EZH2: variants seen among roughly 807,000 people sequenced by gnomAD.
EZH2 encodes histone-lysine N-methyltransferase EZH2.
In EZH2, 18 loss-of-function variants were observed where a neutral mutation model predicts 98.4. The observed-to-expected ratio is 0.18, with a 90% CI of 0.13 to 0.27. The LOEUF (loss-of-function observed/expected upper bound fraction) is 0.27. Among genes scored for constraint, EZH2 ranks in the 10% least tolerant of loss-of-function variants. EZH2 has a pLI of 1.00. For missense variants in EZH2, 470 were observed against 935.1 expected, an observed-to-expected ratio of 0.50 and a Z score of 6.49; for synonymous variants, 338 against 312.3, an observed-to-expected ratio of 1.08 and a Z score of -0.87.
chr7:148,819,088 A>G (rs888550805), intron 9 of EZH2: 1 of 456,608 alleles, frequency 2.2e-6, no homozygotes, highest in Non-Finnish European at 4.4e-6. Flanking sequence ...AATGGTAAAA[A>G]TAAGAGAGTA....
At chr7:148,836,792 C>T (rs1001448085) in intron 3 of EZH2, 13 of 484,738 alleles carry the variant, frequency 2.7e-5, no homozygotes, top group African/African-American at 2.6e-4. Flanking sequence ...TGGTAAGTAA[C>T]CAGGTTCCTC....
chr7:148,839,695 C>T (rs1300671586), intron 3 of EZH2, among the ~76,000 whole-genome samples: 4 of 152,046 alleles, frequency 2.6e-5, no homozygotes, highest in African/African-American at 9.7e-5. Flanking sequence ...CAGGCGCACA[C>T]CACCATGCCC....
intron 4 of EZH2, among the ~76,000 whole-genome samples, chr7:148,830,355 G>C (rs574166327): frequency 1.7e-4 from 26 of 152,140 alleles, no homozygotes; most frequent in Non-Finnish European, 2.9e-5. Context: ...GCGCACTTTA[G>C]ATGTTAATAG....
At chr7:148,809,015 TCA>T in intron 19 of EZH2, 54 bp downstream of exon 19, 1 of 1,439,750 alleles carries the variant, frequency 6.9e-7, no homozygotes, top group East Asian at 2.3e-5. Context: ...TGTCCAGAGT[TCA>T]CAATCCAGTA....
At chr7:148,848,976 A>C (rs1411934491) in intron 1 of EZH2, among the ~76,000 whole-genome samples, 1 of 152,140 alleles carries the variant, frequency 6.6e-6, no homozygotes, top group Non-Finnish European at 1.5e-5. Context: ...CATATACTTT[A>C]AATCACCTCT....
At chr7:148,877,678 T>G (rs551905805) in intron 1 of EZH2, among the ~76,000 whole-genome samples, 12 of 152,330 alleles carry the variant, frequency 7.9e-5, no homozygotes, top group African/African-American at 2.9e-4. Context: ...CTTAGAACTC[T>G]ACTCTCCTCC....
chr7:148,877,874 A>G (rs1399879934), intron 1 of EZH2, among the ~76,000 whole-genome samples: 4 of 152,246 alleles, frequency 2.6e-5, no homozygotes, highest in Non-Finnish European at 5.9e-5. Context: ...ATCACCCAGA[A>G]AGCCAGCAGA....
At chr7:148,848,677 C>T (rs1308350418) in intron 1 of EZH2, among the ~76,000 whole-genome samples, 4 of 152,088 alleles carry the variant, frequency 2.6e-5, no homozygotes, top group South Asian at 2.1e-4. Flanking sequence ...AATATTATGA[C>T]CCAAGCAGTG....
intron 1 of EZH2, among the ~76,000 whole-genome samples, chr7:148,857,738 G>A (rs905804258): frequency 4.0e-5 from 6 of 151,678 alleles, no homozygotes; most frequent in Admixed American, 6.6e-5. Flanking sequence ...GCGACAGAGC[G>A]AGACTCCGTC....
At chr7:148,831,699 G>A (rs1286351335) in intron 4 of EZH2, among the ~76,000 whole-genome samples, 4 of 152,208 alleles carry the variant, frequency 2.6e-5, no homozygotes, top group African/African-American at 4.8e-5. Flanking sequence ...AACTGAAGTT[G>A]AGACTCTACT....
At chr7:148,828,113 G>A (rs749134886) in intron 6 of EZH2, among the ~76,000 whole-genome samples, 13 of 152,216 alleles carry the variant, frequency 8.5e-5, no homozygotes, top group East Asian at 3.9e-4. Flanking sequence ...GCGAGACTCC[G>A]TCTCGAAAAA....
At chr7:148,881,632 CAA>C (rs1820969573) in intron 1 of EZH2, among the ~76,000 whole-genome samples, 1 of 152,018 alleles carries the variant, frequency 6.6e-6, no homozygotes, top group African/African-American at 2.4e-5. Context: ...CACTCAAGGG[CAA>C]AGTTAGAAAT....
intron 6 of EZH2, 104 bp from the exon 7 acceptor site, chr7:148,827,370 A>T: frequency 1.3e-6 from 1 of 787,064 alleles, no homozygotes; most frequent in Non-Finnish European, 2.0e-6. Context: ...CTGATTTTCT[A>T]AGAAATCATC....
intron 1 of EZH2, among the ~76,000 whole-genome samples, chr7:148,868,646 G>A (rs927453151): frequency 7.2e-5 from 11 of 152,108 alleles, no homozygotes; most frequent in Middle Eastern, 3.2e-3. Context: ...GAAAATGAGA[G>A]GGCCAGGATG....
intron 3 of EZH2, among the ~76,000 whole-genome samples, chr7:148,835,773 G>A (rs558017015): frequency 6.6e-6 from 1 of 152,230 alleles, no homozygotes; most frequent in Admixed American, 6.5e-5. Flanking sequence ...TTATTCACCT[G>A]CTTTAACACC....
In EZH2 at chr7:148,814,927, T is replaced by G. The variant is rs1426509356; in HGVS notation, c.1659A>C (p.Gln553His). The G allele has an allele frequency of 6.2e-7, 1 of 1,612,820 alleles. No individual in the cohort carries two copies. Among genetic ancestry groups the G allele is most frequent in the Non-Finnish European group, 8.5e-7 (1 of 1,179,926 alleles). Residue 553 changes from glutamine (Q) to histidine (H), a missense_variant, in exon 14 of 20, where the codon CAA (glutamine) becomes CAC (histidine). Gln to His is a conservative substitution (Grantham distance 24, BLOSUM62 0). Around this residue, in one of 6 missense-constraint regions of EZH2, gnomAD observed 106 missense variants for 327.2 expected, o/e 0.32. Coordinates refer to ENST00000320356, the MANE Select transcript of EZH2 (RefSeq NM_004456.5). ...IAQNFCEKFC[Q>H]CSSECQNRFP... ...ACAAATACTTACACTCTGAACTACA[T>G]TGACAAAACTTTTCACAAAAATTTT...
At chr7:148,847,097 T>C in intron 2 of EZH2, 85 bp downstream of exon 2, 2 of 1,476,740 alleles carry the variant, frequency 1.4e-6, no homozygotes, top group Non-Finnish European at 1.8e-6. Flanking sequence ...GCTAGAATTA[T>C]TTTAAATAAA....
chr7:148,836,164 T>C (rs553250174), intron 3 of EZH2, among the ~76,000 whole-genome samples: 1 of 152,278 alleles, frequency 6.6e-6, no homozygotes, highest in Non-Finnish European at 1.5e-5. Flanking sequence ...AAAAAAACAG[T>C]AGGCACTCAA....
intron 14 of EZH2, among the ~76,000 whole-genome samples, 177 bp downstream of exon 14, chr7:148,814,737 G>A (rs557139081): frequency 7.2e-5 from 11 of 152,264 alleles, no homozygotes; most frequent in Admixed American, 4.6e-4. Flanking sequence ...ACACCCAGGC[G>A]ACTGACTGGC....
Sources: gnomAD v4.1 joint callset for allele counts (sites outside exome capture counted in the v4.1 genomes callset) on GRCh38, gnomAD v4.1.1 for gene constraint, gnomAD v4.1.1 regional missense constraint, MANE v1.5 for transcripts, NCBI Gene and HGNC (gene_info 2026-07-23, HGNC 2026-07-21) for gene names.